The following TSC1 variants were observed in gnomAD, a reference collection of about 807,000 sequenced individuals.
The protein encoded by TSC1 is TSC complex subunit 1, also known as hamartin.
In TSC1, 20 loss-of-function variants were observed where a neutral mutation model predicts 124.3. That is an observed-to-expected ratio of 0.16 (90% CI 0.11 to 0.23). TSC1 has a LOEUF of 0.23. Ranked by LOEUF, TSC1 falls within the 10% of genes least tolerant of loss-of-function variation. TSC1 has a pLI of 1.00. For missense variants in TSC1, 1,124 were observed against 1,448.5 expected (o/e 0.78, Z 3.64); for synonymous variants, 493 against 539.1 (o/e 0.91, Z 1.19).
chr9:132,906,916 A>G lies in TSC1; in HGVS notation c.1334-81T>C. 9.2e-7 allele frequency: 1 copy of G among 1,089,798 alleles called. No individual in the cohort carries two copies. Among genetic ancestry groups the G allele is most frequent in the South Asian group, 1.3e-5 (1 of 77,918 alleles). 67.5% of individuals were successfully genotyped at this position (1,089,798 alleles called of 1,614,324 possible). A position where few individuals can be genotyped will look rare whatever the true frequency, so the allele number is the denominator to read the frequency against. ...TGTAAAACTGCTTACACTGTATAGA[A>G]TATGTCTGTAATAACTCTTCATGCT... is the stretch of plus-strand genomic sequence containing the variant. On this transcript the variant is annotated intron_variant, in intron 13 of 22. Coordinates refer to ENST00000298552, the MANE Select transcript of TSC1 (RefSeq NM_000368.5). This position sits in a 1 kb window ranked among gnomAD's most constrained non-coding sequence, Gnocchi z 4.1.
At position 132,896,586 on chromosome 9, in the gene TSC1, T is replaced by G. The variant is rs1554812826; in HGVS notation, c.3144A>C (p.Pro1048=). The change falls in exon 23 of 23, where the codon CCA becomes CCC. Residue 1048 remains proline, a synonymous_variant. Coordinates refer to ENST00000298552, the MANE Select transcript of TSC1 (RefSeq NM_000368.5). The surrounding 1 kb of genome is among the most constrained non-coding windows in gnomAD (Gnocchi z 4.5). ...SSSSSSELST[P]EKPPHQRAGP... is the part of the protein sequence containing the mutation. ...CTGCCCTCTGGTGTGGGGGTTTCTC[T>G]GGGGTAGAAAGCTCGCTGCTGCTGC... 6.2e-7 allele frequency: 1 copy of G among 1,613,942 alleles called. No individual in the cohort carries two copies. The highest frequency in any genetic ancestry group is 8.5e-7 in the Non-Finnish European group (1 of 1,179,868).
Position 132,902,928 on chromosome 9 carries a change from T to G in TSC1, c.2209-141A>C. ...ACAGACCAAAACTCTTAGAGCTCAC[T>G]ACTGTCTTACTTGGCCTTAGGTCAA... On this transcript the variant is annotated intron_variant, in intron 17 of 22. Coordinates refer to ENST00000298552, the MANE Select transcript of TSC1 (RefSeq NM_000368.5). The surrounding 1 kb of genome is among the most constrained non-coding windows in gnomAD (Gnocchi z 5.2). The G allele has an allele frequency of 9.3e-7, 1 of 1,076,222 alleles. No homozygotes were observed. Among genetic ancestry groups the G allele is most frequent in the Non-Finnish European group, 1.4e-6 (1 of 717,968 alleles). The allele number at this position is 1,076,222 out of a possible 1,614,324, so 66.7% of individuals were successfully genotyped here.
chr9:132,912,789 A>G (rs963972959), intron 8 of TSC1: 1 of 332,024 alleles, frequency 3.0e-6, no homozygotes, highest in African/African-American at 2.2e-5. Flanking sequence ...CCTTTGGAAC[A>G]AAGGTCATCA....
Position 132,894,524 on chromosome 9 carries a change from C to T in TSC1, c.*1711G>A, listed in dbSNP as rs1844926997. Reference sequence around the variant, plus strand: ...CATCTGACAATTCAGTACCAACTGCCAGCCTGTGCTAGGCTGAGTAGTTGG... The same window carrying T: ...CATCTGACAATTCAGTACCAACTGCTAGCCTGTGCTAGGCTGAGTAGTTGG... On this transcript the variant is annotated 3_prime_UTR_variant, in exon 23 of 23. Transcript: ENST00000298552. The T allele has an allele frequency of 4.4e-6, 1 of 228,744 alleles. No homozygotes were observed. The highest frequency in any genetic ancestry group is 2.2e-5 in the African/African-American group (1 of 45,168). 14.2% of individuals were successfully genotyped at this position (228,744 alleles called of 1,614,324 possible).
chr9:132,910,528 C>G (rs2131935470), intron 12 of TSC1, 43 bp downstream of exon 12: 1 of 1,613,792 alleles, frequency 6.2e-7, no homozygotes, highest in Non-Finnish European at 8.5e-7. Flanking sequence ...GCAAGTGAGT[C>G]ACTGTGCCTG....
rs1228929029 is a variant in TSC1 at position 132,893,530 on chromosome 9, C to T, written c.*2705G>A. The T allele has an allele frequency of 3.4e-5, 8 of 233,156 alleles. No individual in the cohort carries two copies. In the East Asian group the frequency reaches 3.6e-4, roughly 11 times the overall value. The allele number at this position is 233,156 out of a possible 1,614,324, so 14.4% of individuals were successfully genotyped here. On this transcript the variant is annotated 3_prime_UTR_variant, in exon 23 of 23. Coordinates refer to ENST00000298552, the MANE Select transcript of TSC1 (RefSeq NM_000368.5). ...CTCTGCGTCTTCCTATCCCCCTCCC[C>T]GCTAAAACTGTAGTGCACCTTTTTA...
upstream of TSC1, chr9:132,944,645 GGCCGACGGCGGCC>G (rs1311445614): frequency 2.5e-6 from 1 of 398,694 alleles, no homozygotes; most frequent in East Asian, 3.6e-5. Context: ...AAAGGGCCAA[GGCCGACGGCGGCC>G]TCCGCCACGA....
Position 132,923,399 on chromosome 9 carries a change from C to A in TSC1, c.457G>T (p.Asp153Tyr). 6.2e-7 allele frequency: 1 copy of A among 1,614,136 alleles called. No homozygotes were observed. Among genetic ancestry groups the A allele is most frequent in the South Asian group, 1.1e-5 (1 of 91,082 alleles). The change falls in exon 6 of 23, where the codon GAT (aspartate) becomes TAT (tyrosine). Residue 153 changes from aspartate (D) to tyrosine (Y), a missense_variant. Coordinates refer to ENST00000298552, the MANE Select transcript of TSC1 (RefSeq NM_000368.5). This position sits in a 1 kb window ranked among gnomAD's most constrained non-coding sequence, Gnocchi z 4.2. ...IPQSGKQHLL[D>Y]FFDIFGRLSS... The stretch of plus-strand genomic sequence containing the variant: ...AGACGGCCAAAAATGTCAAAGAAAT[C>A]AAGAAGATGCTGTTTCCCAGACTGT...
chr9:132,901,173 C>G (rs969866004), intron 19 of TSC1, among the ~76,000 whole-genome samples: 1 of 152,222 alleles, frequency 6.6e-6, no homozygotes, highest in African/African-American at 2.4e-5. Flanking sequence ...ACTCACCGTT[C>G]TTGACAAAAT....
chr9:132,907,678 C>G (rs1442528838), intron 12 of TSC1, among the ~76,000 whole-genome samples: 1 of 152,126 alleles, frequency 6.6e-6, no homozygotes, highest in Non-Finnish European at 1.5e-5. Context: ...TTAGTACAGA[C>G]GGGGTTTCTC....
rs1366888701 is a variant in TSC1, at chr9:132,923,424, T to G, written c.432A>C (p.Pro144=). The G allele has an allele frequency of 3.1e-6, 5 of 1,614,130 alleles. No individual in the cohort carries two copies. In the East Asian group the frequency reaches 1.1e-4, roughly 36 times the overall value. Residue 144 remains proline, a synonymous_variant, in exon 6 of 23, where the codon CCA becomes CCC. Coordinates refer to ENST00000298552, the MANE Select transcript of TSC1 (RefSeq NM_000368.5). The surrounding 1 kb of genome is among the most constrained non-coding windows in gnomAD (Gnocchi z 4.2). ...CAAGAAGATGCTGTTTCCCAGACTG[T>G]GGAATCATTGGTAGCATGGTTATCA... ...LVLITMLPMI[P]QSGKQHLLDF... is the part of the protein sequence containing the mutation.
In TSC1 at chr9:132,892,710, G is replaced by A; in HGVS notation, c.*3525C>T. ...GCTCTTCGGTTCTTTCCTTCTTCAA[G>A]TGGTATGCTCTACTATTTGGTAGAA... On this transcript the variant is annotated 3_prime_UTR_variant, in exon 23 of 23. Transcript: ENST00000298552. 4.3e-6 allele frequency: 1 copy of A among 233,302 alleles called. No homozygotes were observed. The highest frequency in any genetic ancestry group is 6.0e-5 in the East Asian group (1 of 16,600). 14.5% of individuals were successfully genotyped at this position (233,302 alleles called of 1,614,324 possible).
At position 132,901,578 on chromosome 9, in the gene TSC1, TTTC is replaced by T. The variant is rs762882968; in HGVS notation, c.2502+8_2502+10del. The T allele has an allele frequency of 6.2e-7, 1 of 1,611,912 alleles. No homozygotes were observed. Among genetic ancestry groups the T allele is most frequent in the South Asian group, 1.1e-5 (1 of 91,042 alleles). ...TTTCAGCAGATTCAGGTCTGCCTCA[TTTC>T]TTCTTACCTTTTGGGAAACCTGACT... On this transcript the variant is annotated splice_region_variant and intron_variant, in intron 19 of 22. Transcript: ENST00000298552.
intron 8 of TSC1, among the ~76,000 whole-genome samples, chr9:132,914,319 A>C (rs1467331013): frequency 6.6e-6 from 1 of 152,202 alleles, no homozygotes; most frequent in East Asian, 1.9e-4. Flanking sequence ...CTTGTAATGG[A>C]AAGAAGAAAG....
chr9:132,930,612 AGAG>A (rs1847153973), intron 2 of TSC1, among the ~76,000 whole-genome samples: 1 of 147,862 alleles, frequency 6.8e-6, no homozygotes, highest in Non-Finnish European at 1.5e-5. Context: ...AAAAAAAAAA[AGAG>A]AGAGATAAGC....
chr9:132,913,575 C>T (rs1030815448), intron 8 of TSC1, among the ~76,000 whole-genome samples: 2 of 151,884 alleles, frequency 1.3e-5, no homozygotes, highest in African/African-American at 2.4e-5. Flanking sequence ...GCCTGTAATC[C>T]CAGCACTTTG....
At chr9:132,928,714 AG>A in intron 3 of TSC1, 52 bp downstream of exon 3, 1 of 1,608,348 alleles carries the variant, frequency 6.2e-7, no homozygotes, top group Non-Finnish European at 8.5e-7. Flanking sequence ...GTGGCTCTAA[AG>A]TCAATCTCTT....
At chr9:132,912,683 G>C (rs765876062) in intron 8 of TSC1, 65 of 560,986 alleles carry the variant, frequency 1.2e-4, no homozygotes, top group Admixed American at 1.8e-4. Flanking sequence ...AAGCTAATCT[G>C]AAACAAATAT....
rs118203508 is a variant in TSC1 at position 132,907,382 on chromosome 9, A to C, written c.1264-12T>G. 3 of 1,607,748 alleles carry C rather than the reference A, an allele frequency of 1.9e-6. No homozygotes were observed. Among genetic ancestry groups the C allele is most frequent in the South Asian group, 1.1e-5 (1 of 90,964 alleles). On this transcript the variant is annotated splice_polypyrimidine_tract_variant and intron_variant, in intron 12 of 22. Coordinates refer to ENST00000298552, the MANE Select transcript of TSC1 (RefSeq NM_000368.5). ...TCCATTCTCTCTTCCTGAAAAGATA[A>C]GTATCATTTATATCACAAGACGAAA... is the stretch of plus-strand genomic sequence containing the variant.
Sources: gnomAD v4.1 joint callset for allele counts (sites outside exome capture counted in the v4.1 genomes callset) on GRCh38, gnomAD v4.1.1 for gene constraint, Gnocchi (gnomAD v3.1) non-coding constraint, MANE v1.5 for transcripts, NCBI Gene and HGNC (gene_info 2026-07-23, HGNC 2026-07-21) for gene names.